Variants in HMBOX1 observed in about 807,000 individuals in gnomAD.
HMBOX1 encodes homeobox-containing protein 1.
Under a neutral mutation model 54.5 loss-of-function variants are expected in HMBOX1, and 14 were observed. The ratio of observed to expected loss-of-function variants is 0.26; its 90% confidence interval spans 0.17 to 0.40. The LOEUF is 0.40. HMBOX1 is among the 10% of genes least tolerant of loss of function. HMBOX1 has a pLI of 1.00. For missense variants in HMBOX1, 332 were observed against 514.4 expected (o/e 0.65, Z 3.43); for synonymous variants, 160 against 181.0 (o/e 0.88, Z 0.93).
Position 28,929,352 on chromosome 8 carries a change from T to C in HMBOX1, c.-57-34459T>C, listed in dbSNP as rs201005869. ...TTCTTGTTGGCTCTGTAAAGAATGA[T>C]TGTGAGAAGGGAAGTGAGAAGGCAA... On this transcript the variant is annotated intron_variant, in intron 1 of 9. Transcript: ENST00000287701. 3.9e-5 allele frequency among the ~76,000 whole-genome samples: 6 copies of C among 152,194 alleles called. No individual in the cohort carries two copies. The East Asian group carries it at 1.2e-3, about 29-fold the overall frequency.
Position 28,951,237 on chromosome 8 carries a change from A to T in HMBOX1, c.-57-12574A>T, listed in dbSNP as rs571933867. On this transcript the variant is annotated intron_variant, in intron 1 of 9. Transcript: ENST00000287701. ...ACCCTCCACCTCCTGGGTTCAAGCG[A>T]TTCTCCTACCTCAGCCTCCCAAGTA... is the stretch of plus-strand genomic sequence containing the variant. 1.1e-3 allele frequency among the ~76,000 whole-genome samples: 166 copies of T among 152,286 alleles called. 2 individuals carry two copies. The highest frequency in any genetic ancestry group is 3.8e-3 in the African/African-American group (159 of 41,560).
chr8:28,981,077 G>T (rs1333117246), intron 4 of HMBOX1, among the ~76,000 whole-genome samples: 1 of 152,022 alleles, frequency 6.6e-6, no homozygotes, highest in Non-Finnish European at 1.5e-5. Flanking sequence ...TATTATTTCT[G>T]TTCTCCAGAC....
intron 1 of HMBOX1, among the ~76,000 whole-genome samples, chr8:28,921,591 TTAA>T (rs1444590125): frequency 6.6e-6 from 1 of 152,226 alleles, no homozygotes; most frequent in Non-Finnish European, 1.5e-5. Flanking sequence ...ACGAGATACT[TTAA>T]TGATGGATTT....
chr8:28,943,517 C>G (rs963109401), intron 1 of HMBOX1, among the ~76,000 whole-genome samples: 4 of 152,048 alleles, frequency 2.6e-5, no homozygotes, highest in Admixed American at 1.3e-4. Context: ...AGGGAGGGCA[C>G]CTTTCACATG....
At chr8:29,037,896 A>G (rs1262288266) in intron 6 of HMBOX1, among the ~76,000 whole-genome samples, 1 of 152,202 alleles carries the variant, frequency 6.6e-6, no homozygotes, top group Non-Finnish European at 1.5e-5. Flanking sequence ...ACTGCCCAGT[A>G]AGTTTACTTG....
chr8:28,960,599 T>C (rs1277054934), intron 1 of HMBOX1, among the ~76,000 whole-genome samples: 1 of 151,718 alleles, frequency 6.6e-6, no homozygotes, highest in Admixed American at 6.6e-5. Flanking sequence ...AAAGGTATAC[T>C]GAAATAACTC....
intron 4 of HMBOX1, among the ~76,000 whole-genome samples, chr8:28,995,200 A>C (rs1831611330): frequency 1.3e-5 from 2 of 152,130 alleles, no homozygotes; most frequent in Non-Finnish European, 2.9e-5. Flanking sequence ...GTACTAATAT[A>C]CTTTCTGTCT....
intron 4 of HMBOX1, among the ~76,000 whole-genome samples, chr8:28,980,412 C>T (rs1829149526): frequency 6.6e-6 from 1 of 152,018 alleles, no homozygotes; most frequent in Non-Finnish European, 1.5e-5. Context: ...AGAAAAGGTT[C>T]CTATAGTTTG....
intron 6 of HMBOX1, among the ~76,000 whole-genome samples, chr8:29,041,271 C>T (rs536947747): frequency 6.6e-6 from 1 of 152,316 alleles, no homozygotes; most frequent in Non-Finnish European, 1.5e-5. Context: ...CCCCAACACT[C>T]TTGCTTCTTG....
intron 1 of HMBOX1, among the ~76,000 whole-genome samples, chr8:28,960,766 T>G (rs1456296317): frequency 9.3e-5 from 1 of 10,810 alleles, no homozygotes; most frequent in East Asian, 4.9e-3. Flanking sequence ...TTTCTTTTTC[T>G]TTTTTTTTTT....
chr8:29,048,854 T>A, intron 8 of HMBOX1, 100 bp from the exon 9 acceptor site: 1 of 775,428 alleles, frequency 1.3e-6, no homozygotes, highest in East Asian at 2.5e-5. Context: ...CTTGTTTAAT[T>A]ACATTCTAAT....
chr8:28,966,269 G>T (rs1266145074), intron 2 of HMBOX1, among the ~76,000 whole-genome samples: 4 of 152,150 alleles, frequency 2.6e-5, no homozygotes, highest in Non-Finnish European at 5.9e-5. Flanking sequence ...CTTATGGTAT[G>T]ATATTTTCTT....
chr8:28,983,590 A>G (rs1266515208), intron 4 of HMBOX1, among the ~76,000 whole-genome samples: 1 of 152,154 alleles, frequency 6.6e-6, no homozygotes, highest in Non-Finnish European at 1.5e-5. Context: ...AATGTTCTTC[A>G]GGAGTGACCT....
intron 1 of HMBOX1, among the ~76,000 whole-genome samples, chr8:28,963,097 G>C (rs1299043200): frequency 1.3e-5 from 2 of 152,142 alleles, no homozygotes; most frequent in Non-Finnish European, 2.9e-5. Flanking sequence ...TGATTCTTCT[G>C]CCTCAGTTTC....
At chr8:28,901,525 T>C (rs1173740311) in intron 1 of HMBOX1, among the ~76,000 whole-genome samples, 1 of 152,212 alleles carries the variant, frequency 6.6e-6, no homozygotes, top group Non-Finnish European at 1.5e-5. Context: ...TCTTTTCCTT[T>C]ATTGTCTATA....
intron 4 of HMBOX1, among the ~76,000 whole-genome samples, chr8:28,995,273 A>C (rs1831635068): frequency 6.6e-6 from 1 of 152,206 alleles, no homozygotes; most frequent in Admixed American, 6.5e-5. Context: ...ACACTATATA[A>C]ACTTTTGTGT....
intron 1 of HMBOX1, among the ~76,000 whole-genome samples, chr8:28,934,781 G>T (rs1445531758): frequency 2.0e-5 from 3 of 152,080 alleles, no homozygotes; most frequent in Non-Finnish European, 2.9e-5. Context: ...AGAAAAATTA[G>T]CTGGGCGCGG....
chr8:28,909,794 A>G (rs1459299590), intron 1 of HMBOX1, among the ~76,000 whole-genome samples: 5 of 152,220 alleles, frequency 3.3e-5, no homozygotes, highest in Admixed American at 6.5e-5. Context: ...GTACTGCTCA[A>G]TGACTTCTAG....
intron 5 of HMBOX1, among the ~76,000 whole-genome samples, chr8:29,013,730 TA>T (rs1015001464): frequency 6.6e-6 from 1 of 152,062 alleles, no homozygotes; most frequent in Non-Finnish European, 1.5e-5. Flanking sequence ...ACCTATTTTT[TA>T]AAAAAAAGTG....
Sources: allele counts gnomAD v4.1 joint callset (sites outside exome capture counted in the v4.1 genomes callset), GRCh38; gene constraint gnomAD v4.1.1; transcripts MANE v1.5; gene names NCBI Gene and HGNC (gene_info 2026-07-23, HGNC 2026-07-21).